The following CEP128 variants were observed in gnomAD, a reference collection of about 807,000 sequenced individuals.
CEP128 encodes the protein centrosomal protein 128kDa.
In CEP128, 132 loss-of-function variants were observed where a neutral mutation model predicts 156.7. That is an observed-to-expected ratio of 0.84 (90% CI 0.73 to 0.97). The LOEUF is 0.97. Among genes scored for constraint, CEP128 ranks in the 50% least tolerant of loss-of-function variants. The pLI, the probability that CEP128 is intolerant of heterozygous loss-of-function variation, is 0.00. For synonymous variants in CEP128, 469 were observed against 448.9 expected, an observed-to-expected ratio of 1.04 and a Z score of -0.57; for missense variants, 1,252 against 1,281.9, an observed-to-expected ratio of 0.98 and a Z score of 0.36.
At position 80,542,262 on chromosome 14, in the gene CEP128, C is replaced by T. The variant is rs371473883; in HGVS notation, c.2881-11376G>A. On this transcript the variant is annotated intron_variant, in intron 21 of 24. Coordinates refer to ENST00000555265, the MANE Select transcript of CEP128 (RefSeq NM_152446.5). Reference sequence around the variant, plus strand: ...AGGATGATATTTTTACCTATATTTCCAATGCTGAGTACTTGGTATCACACA... The same window carrying T: ...AGGATGATATTTTTACCTATATTTCTAATGCTGAGTACTTGGTATCACACA... Among the ~76,000 whole-genome samples the T allele has an allele frequency of 1.5e-3, 228 of 152,214 alleles. 4 individuals are homozygous for T. The Middle Eastern group carries it at 0.024, about 16-fold the overall frequency.
chr14:80,769,655 A>G (rs904925587), intron 16 of CEP128, among the ~76,000 whole-genome samples: 1 of 152,206 alleles, frequency 6.6e-6, no homozygotes, highest in Non-Finnish European at 1.5e-5. Flanking sequence ...CCAGTCTATC[A>G]TTAATACTTT....
chr14:80,541,892 C>T (rs1286061716), intron 21 of CEP128, among the ~76,000 whole-genome samples: 1 of 152,168 alleles, frequency 6.6e-6, no homozygotes, highest in Non-Finnish European at 1.5e-5. Context: ...TGAGTTTAAA[C>T]CCTGGGTTAG....
At chr14:80,513,188 T>A (rs924073172) in intron 23 of CEP128, among the ~76,000 whole-genome samples, 1 of 152,124 alleles carries the variant, frequency 6.6e-6, no homozygotes, top group African/African-American at 2.4e-5. Context: ...AGCTTTTGTT[T>A]GTCTGGGAAA....
chr14:80,522,361 T>C (rs1170594338), intron 23 of CEP128, among the ~76,000 whole-genome samples: 3 of 152,224 alleles, frequency 2.0e-5, no homozygotes. Flanking sequence ...TGTACTTATA[T>C]CACACACATG....
rs71103882 is a variant in CEP128 at position 80,801,910 on chromosome 14, C to CAAAAAAAAAAA, written c.1210-8811_1210-8801dup. Among the ~76,000 whole-genome samples the CAAAAAAAAAAA allele has an allele frequency of 5.3e-4, 23 of 43,384 alleles. 11 individuals are homozygous for CAAAAAAAAAAA. The highest frequency in any genetic ancestry group is 1.5e-3 in the African/African-American group (13 of 8,784). The allele number at this position is 43,384 out of a possible 152,430, so 28.5% of individuals were successfully genotyped here. A position where few individuals can be genotyped will look rare whatever the true frequency, so the allele number is the denominator to read the frequency against. The stretch of plus-strand genomic sequence containing the variant: ...GTGACAGTGTGAGACTCTGTCTCCC[C>CAAAAAAAAAAA]AAAAAAAAAAAAAAAAAAAAAAAAA... On this transcript the variant is annotated intron_variant, in intron 13 of 24. Transcript: ENST00000555265.
intron 19 of CEP128, among the ~76,000 whole-genome samples, chr14:80,650,457 A>T (rs1894853885): frequency 6.6e-6 from 1 of 152,192 alleles, no homozygotes; most frequent in Non-Finnish European, 1.5e-5. Flanking sequence ...AACTATGTTG[A>T]ATACAAGTGG....
chr14:80,864,561 A>ATT (rs559840411), intron 8 of CEP128, among the ~76,000 whole-genome samples: 21 of 144,838 alleles, frequency 1.4e-4, no homozygotes, highest in African/African-American at 2.0e-4. Context: ...TTGTTTCTCA[A>ATT]TTTTTTTTTT....
intron 21 of CEP128, among the ~76,000 whole-genome samples, chr14:80,542,064 A>G (rs1039650057): frequency 3.3e-5 from 5 of 152,214 alleles, no homozygotes; most frequent in Non-Finnish European, 7.3e-5. Flanking sequence ...AATGTTAGCT[A>G]TTACTACAAT....
At chr14:80,753,954 TCTCA>T (rs1410729323) in intron 18 of CEP128, among the ~76,000 whole-genome samples, 2 of 152,166 alleles carry the variant, frequency 1.3e-5, no homozygotes, top group Non-Finnish European at 2.9e-5. Flanking sequence ...TAATTCAGAC[TCTCA>T]CTCTATCTCA....
At chr14:80,511,251 G>A (rs890784997) in intron 23 of CEP128, among the ~76,000 whole-genome samples, 1 of 151,774 alleles carries the variant, frequency 6.6e-6, no homozygotes, top group Non-Finnish European at 1.5e-5. Flanking sequence ...TTTCTTTGCT[G>A]GGAACCTTTT....
chr14:80,817,423 C>A (rs935500356), intron 13 of CEP128, among the ~76,000 whole-genome samples: 3 of 151,856 alleles, frequency 2.0e-5, no homozygotes, highest in Non-Finnish European at 2.9e-5. Flanking sequence ...ACGTAGGAGA[C>A]AACGATTTCA....
At chr14:80,705,540 G>T (rs1897214167) in intron 19 of CEP128, among the ~76,000 whole-genome samples, 1 of 152,072 alleles carries the variant, frequency 6.6e-6, no homozygotes, top group South Asian at 2.1e-4. Context: ...AAGAAAAGTG[G>T]GGCTGGGAAT....
chr14:80,550,027 G>T (rs1170670439), intron 21 of CEP128, among the ~76,000 whole-genome samples: 1 of 152,140 alleles, frequency 6.6e-6, no homozygotes, highest in African/African-American at 2.4e-5. Context: ...ATAGTTCAAT[G>T]ACTCTTTCAG....
At chr14:80,814,787 G>A (rs888241388) in intron 13 of CEP128, among the ~76,000 whole-genome samples, 6 of 152,150 alleles carry the variant, frequency 3.9e-5, no homozygotes, top group Admixed American at 1.3e-4. Context: ...GGCCAGGCGC[G>A]GTGGCTCATG....
chr14:80,808,232 AGTAGCCAGATG>A (rs1884297875), intron 13 of CEP128, among the ~76,000 whole-genome samples: 1 of 152,226 alleles, frequency 6.6e-6, no homozygotes, highest in Admixed American at 6.5e-5. Context: ...CAGCCAATAC[AGTAGCCAGATG>A]TCTGCCTGTA....
At chr14:80,822,313 G>A (rs2140003002) in intron 13 of CEP128, among the ~76,000 whole-genome samples, 2 of 152,240 alleles carry the variant, frequency 1.3e-5, no homozygotes, top group South Asian at 4.2e-4. Context: ...GGGGGTACAG[G>A]CATTGAGTAA....
chr14:80,511,304 G>A (rs1206842603), intron 23 of CEP128, among the ~76,000 whole-genome samples: 3 of 151,798 alleles, frequency 2.0e-5, no homozygotes, highest in Non-Finnish European at 4.4e-5. Flanking sequence ...GCCTATTCAG[G>A]TTTTGGATTA....
chr14:80,637,463 T>C (rs12589109), intron 19 of CEP128, among the ~76,000 whole-genome samples: 76,900 of 152,074 alleles, frequency 0.51, 21,024 homozygotes, highest in Non-Finnish European at 0.59. Flanking sequence ...TCAATTTTCA[T>C]CTCATTTATA....
At chr14:80,726,265 C>T (rs1421314430) in intron 19 of CEP128, among the ~76,000 whole-genome samples, 1 of 152,052 alleles carries the variant, frequency 6.6e-6, no homozygotes, top group East Asian at 1.9e-4. Context: ...ATGACTGATC[C>T]CGTAACCTGT....
Sources: allele counts gnomAD v4.1 joint callset (sites outside exome capture counted in the v4.1 genomes callset), GRCh38; gene constraint gnomAD v4.1.1; transcripts MANE v1.5; gene names NCBI Gene and HGNC (gene_info 2026-07-23, HGNC 2026-07-21).